ZNRF1: variants seen among roughly 807,000 people sequenced by gnomAD.
ZNRF1 encodes zinc and ring finger 1.
Under a neutral mutation model 18.4 loss-of-function variants are expected in ZNRF1, and 3 were observed. The observed-to-expected ratio is 0.16, with a 90% CI of 0.07 to 0.42. The LOEUF (loss-of-function observed/expected upper bound fraction) is 0.42. ZNRF1 is among the 10% of genes least tolerant of loss of function. The pLI is 0.99. For missense variants in ZNRF1, 310 were observed against 329.8 expected (o/e 0.94, Z 0.47); for synonymous variants, 157 against 144.2 (o/e 1.09, Z -0.64).
At chr16:75,003,418 C>G (rs531111498) in intron 1 of ZNRF1, among the ~76,000 whole-genome samples, 2 of 152,292 alleles carry the variant, frequency 1.3e-5, no homozygotes, top group African/African-American at 4.8e-5. Context: ...TTTTTGAGTA[C>G]ATGAATTTGA....
At chr16:75,066,011 G>T (rs1412000668) in intron 1 of ZNRF1, among the ~76,000 whole-genome samples, 1 of 152,132 alleles carries the variant, frequency 6.6e-6, no homozygotes, top group Non-Finnish European at 1.5e-5. Context: ...ACCTAGGAAG[G>T]GAAGGTAGGA....
At chr16:75,068,873 C>CA (rs1555512932) in intron 1 of ZNRF1, among the ~76,000 whole-genome samples, 5 of 147,510 alleles carry the variant, frequency 3.4e-5, no homozygotes, top group Non-Finnish European at 7.5e-5. Context: ...TTGTCTGAGT[C>CA]TTTTTTTTTT....
intron 1 of ZNRF1, among the ~76,000 whole-genome samples, chr16:75,006,429 T>C (rs923931672): frequency 2.7e-5 from 4 of 150,560 alleles, no homozygotes; most frequent in African/African-American, 7.3e-5. Flanking sequence ...CTCAGTCAGT[T>C]TGTTTGTTTG....
intron 1 of ZNRF1, among the ~76,000 whole-genome samples, chr16:75,038,339 C>T (rs2035400159): frequency 6.6e-6 from 1 of 152,166 alleles, no homozygotes; most frequent in Non-Finnish European, 1.5e-5. Flanking sequence ...AAAGCCTTCT[C>T]TCTCTCGCTG....
Position 75,030,062 on chromosome 16 carries a change from CAA to C in ZNRF1, c.424+29986_424+29987del, listed in dbSNP as rs34968109. ...TTGGTGACAGAGCAAGATGCTATCT[CAA>C]AAAAAAAAAAAAAAAAAACCTGTTA... On this transcript the variant is annotated intron_variant, in intron 1 of 4. Transcript: ENST00000335325. Among the ~76,000 whole-genome samples, 790 of 97,742 alleles carry C rather than the reference CAA, an allele frequency of 8.1e-3. 9 individuals carry two copies. The highest frequency in any genetic ancestry group is 0.023 in the South Asian group (72 of 3,170). The allele number at this position is 97,742 out of a possible 152,430, so 64.1% of individuals were successfully genotyped here. A position where few individuals can be genotyped will look rare whatever the true frequency, so the allele number is the denominator to read the frequency against.
intron 1 of ZNRF1, among the ~76,000 whole-genome samples, chr16:75,057,088 CA>C (rs1424838349): frequency 6.6e-6 from 1 of 152,134 alleles, no homozygotes; most frequent in Non-Finnish European, 1.5e-5. Flanking sequence ...AATGCTGTTG[CA>C]TTTTCTTTCA....
At chr16:75,090,009 C>G (rs908667195) in intron 1 of ZNRF1, among the ~76,000 whole-genome samples, 4 of 152,190 alleles carry the variant, frequency 2.6e-5, no homozygotes, top group African/African-American at 9.7e-5. Flanking sequence ...AGTGTCAGGG[C>G]CTGGAGGCAG....
chr16:75,060,297 C>A (rs2035725693), intron 1 of ZNRF1, among the ~76,000 whole-genome samples: 1 of 151,952 alleles, frequency 6.6e-6, no homozygotes, highest in African/African-American at 2.4e-5. Context: ...TGTGATCCGC[C>A]CATCTTGCCT....
intron 1 of ZNRF1, among the ~76,000 whole-genome samples, chr16:75,081,558 G>A (rs933517298): frequency 1.3e-5 from 2 of 152,190 alleles, no homozygotes; most frequent in African/African-American, 4.8e-5. Flanking sequence ...GTGTTCTCTG[G>A]CATTGCCCAA....
chr16:75,067,974 C>T (rs1420697195), intron 1 of ZNRF1, among the ~76,000 whole-genome samples: 3 of 152,034 alleles, frequency 2.0e-5, no homozygotes, highest in Non-Finnish European at 2.9e-5. Context: ...TGTATTTATC[C>T]TGCTTAATGT....
chr16:75,052,858 T>C (rs149875054), intron 1 of ZNRF1, among the ~76,000 whole-genome samples: 37 of 152,358 alleles, frequency 2.4e-4, no homozygotes, highest in African/African-American at 7.9e-4. Context: ...CTCTTAATCA[T>C]TGCATGATCT....
rs1390331824 is a variant in ZNRF1, at chr16:75,062,430, ATTCTT to A, written c.425-31140_425-31136del. Among the ~76,000 whole-genome samples, 7 of 152,350 alleles carry A rather than the reference ATTCTT, an allele frequency of 4.6e-5. No homozygotes were observed. In the South Asian group the frequency reaches 1.4e-3, roughly 32 times the overall value. On this transcript the variant is annotated intron_variant, in intron 1 of 4. Transcript: ENST00000335325. ...GTTGGCAGTTGCTGAAGTGAAATGA[ATTCTT>A]TATCGGAAAGAGTCAATTAAAAGAG...
At chr16:75,001,288 T>G (rs1275286852) in intron 1 of ZNRF1, among the ~76,000 whole-genome samples, 1 of 152,104 alleles carries the variant, frequency 6.6e-6, no homozygotes, top group Non-Finnish European at 1.5e-5. Context: ...CCCCTGCAAA[T>G]AGCCTGGGGT....
At chr16:75,088,507 G>A (rs911937561) in intron 1 of ZNRF1, among the ~76,000 whole-genome samples, 1 of 152,214 alleles carries the variant, frequency 6.6e-6, no homozygotes, top group African/African-American at 2.4e-5. Context: ...CACTTAAGGA[G>A]AAATTGCTGG....
intron 1 of ZNRF1, among the ~76,000 whole-genome samples, chr16:75,037,093 A>G (rs909539876): frequency 6.6e-6 from 1 of 152,196 alleles, no homozygotes; most frequent in Non-Finnish European, 1.5e-5. Flanking sequence ...ATGGGAATTG[A>G]CAGAGCTAGA....
At chr16:75,099,773 C>A (rs940892115) in intron 2 of ZNRF1, among the ~76,000 whole-genome samples, 4 of 152,194 alleles carry the variant, frequency 2.6e-5, no homozygotes, top group Non-Finnish European at 4.4e-5. Flanking sequence ...TGCTGCGAGG[C>A]CCCCGCCATG....
At chr16:75,068,765 C>A (rs2035834144) in intron 1 of ZNRF1, among the ~76,000 whole-genome samples, 1 of 152,114 alleles carries the variant, frequency 6.6e-6, no homozygotes, top group Non-Finnish European at 1.5e-5. Flanking sequence ...ACCTCTAAGG[C>A]ACAAAGTGAA....
chr16:75,007,936 C>G (rs1201105191), intron 1 of ZNRF1, among the ~76,000 whole-genome samples: 1 of 152,182 alleles, frequency 6.6e-6, no homozygotes, highest in Non-Finnish European at 1.5e-5. Context: ...CAAGATCACG[C>G]TCACTGCAGC....
chr16:75,029,890 C>T (rs2035277877), intron 1 of ZNRF1, among the ~76,000 whole-genome samples: 1 of 151,684 alleles, frequency 6.6e-6, no homozygotes, highest in African/African-American at 2.4e-5. Flanking sequence ...CAAAAATTAG[C>T]CAGGTGAAGA....
Sources: allele counts gnomAD v4.1 joint callset (sites outside exome capture counted in the v4.1 genomes callset), GRCh38; gene constraint gnomAD v4.1.1; transcripts MANE v1.5; gene names NCBI Gene and HGNC (gene_info 2026-07-23, HGNC 2026-07-21).